ST3GAL5: variants seen among roughly 807,000 people sequenced by gnomAD.
The protein encoded by ST3GAL5 is ST3 beta-galactoside alpha-2,3-sialyltransferase 5, also known as lactosylceramide alpha-2,3-sialyltransferase.
ST3GAL5 carries 25 observed loss-of-function variants against 46.1 expected under a neutral mutation model. The observed-to-expected ratio is 0.54, with a 90% CI of 0.40 to 0.76. The LOEUF is 0.76. Among genes scored for constraint, ST3GAL5 ranks in the 30% least tolerant of loss-of-function variants. The pLI, the probability that ST3GAL5 is intolerant of heterozygous loss-of-function variation, is 0.00. For missense variants in ST3GAL5, 431 were observed against 521.2 expected (o/e 0.83, Z 1.69); for synonymous variants, 182 against 192.7 (o/e 0.94, Z 0.46).
intron 6 of ST3GAL5, among the ~76,000 whole-genome samples, chr2:85,843,296 G>C (rs1219384009): frequency 6.6e-6 from 1 of 152,040 alleles, no homozygotes; most frequent in Non-Finnish European, 1.5e-5. Flanking sequence ...GTGTAAAATT[G>C]GTGGGTCAGA....
At chr2:85,844,653 G>T in intron 5 of ST3GAL5, 99 bp from the exon 6 acceptor site, 1 of 1,531,318 alleles carries the variant, frequency 6.5e-7, no homozygotes, top group Non-Finnish European at 9.0e-7. Context: ...ACCCCATGTG[G>T]CCCTGTGCAC....
At chr2:85,840,457 G>A in intron 6 of ST3GAL5, 65 bp from the exon 7 acceptor site, 3 of 1,569,982 alleles carry the variant, frequency 1.9e-6, no homozygotes, top group Non-Finnish European at 2.6e-6. Context: ...CATTTTGCTG[G>A]TATTACACAT....
intron 1 of ST3GAL5, among the ~76,000 whole-genome samples, chr2:85,884,727 G>A (rs1202390371): frequency 6.6e-6 from 1 of 152,156 alleles, no homozygotes; most frequent in East Asian, 1.9e-4. Context: ...GGGCAGAAGA[G>A]GATAAAAACA....
intron 1 of ST3GAL5, among the ~76,000 whole-genome samples, chr2:85,864,596 G>GAA (rs67289258): frequency 0.046 from 6,621 of 144,884 alleles, 177 homozygotes; most frequent in Non-Finnish European, 0.063. Flanking sequence ...AAAAAAAAAA[G>GAA]AAAAAGAGAG....
At chr2:85,848,391 T>A (rs1683081102) in intron 3 of ST3GAL5, 187 bp from the exon 4 acceptor site, 1 of 1,543,666 alleles carries the variant, frequency 6.5e-7, no homozygotes, top group Admixed American at 2.0e-5. Flanking sequence ...CCTGGGAGAA[T>A]CACATGACAA....
At chr2:85,847,326 C>CTTGAATCTACCCACCTTCCA in intron 4 of ST3GAL5, 1 of 985,614 alleles carries the variant, frequency 1.0e-6, no homozygotes, top group Non-Finnish European at 1.2e-6. Flanking sequence ...TGCTGTTTTA[C>CTTGAATCTACCCACCTTCCA]TTGAATCTAC....
chr2:85,888,178 C>A (rs771056693), intron 1 of ST3GAL5: 2 of 152,282 alleles, frequency 1.3e-5, no homozygotes, highest in Non-Finnish European at 2.9e-5. Context: ...GGGTGTGAGG[C>A]AAGGGCAGGG....
intron 2 of ST3GAL5, 93 bp downstream of exon 2, chr2:85,863,269 T>G: frequency 6.2e-7 from 1 of 1,605,894 alleles, no homozygotes; most frequent in Non-Finnish European, 8.5e-7. Flanking sequence ...TCTCCAACAT[T>G]AGCCATCTTG....
intron 4 of ST3GAL5, chr2:85,847,340 C>T: frequency 1.0e-6 from 1 of 992,286 alleles, no homozygotes; most frequent in Non-Finnish European, 1.2e-6. Flanking sequence ...AATCTACCCA[C>T]CTTCCAAATC....
intron 1 of ST3GAL5, among the ~76,000 whole-genome samples, chr2:85,872,622 C>T (rs978509201): frequency 1.3e-4 from 20 of 151,476 alleles, no homozygotes; most frequent in African/African-American, 1.7e-4. Flanking sequence ...TACTTGGGAA[C>T]GTGCACGGGG....
chr2:85,858,024 T>C (rs1684331340), intron 3 of ST3GAL5: 1 of 152,206 alleles, frequency 6.6e-6, no homozygotes, highest in East Asian at 1.9e-4. Context: ...ATAATACCGA[T>C]GGAATGTGGC....
intron 3 of ST3GAL5, among the ~76,000 whole-genome samples, chr2:85,858,996 G>A (rs1335920780): frequency 1.3e-5 from 2 of 152,202 alleles, no homozygotes; most frequent in African/African-American, 4.8e-5. Context: ...GCAGAGACAA[G>A]CAGACCACGT....
At chr2:85,846,250 A>G in intron 5 of ST3GAL5, 127 bp downstream of exon 5, 1 of 863,798 alleles carries the variant, frequency 1.2e-6, no homozygotes, top group Non-Finnish European at 1.9e-6. Context: ...AGTGATCATC[A>G]TTTGAAAGAC....
intron 2 of ST3GAL5, 78 bp from the exon 3 acceptor site, chr2:85,861,370 C>T: frequency 2.1e-6 from 2 of 934,146 alleles, no homozygotes; most frequent in African/African-American, 3.2e-5. Context: ...AAAACGGAAT[C>T]CTAAATGAGT....
At chr2:85,841,039 T>TA (rs995086327) in intron 6 of ST3GAL5, among the ~76,000 whole-genome samples, 94 of 96,394 alleles carry the variant, frequency 9.8e-4, no homozygotes, top group African/African-American at 2.7e-3. Flanking sequence ...AAAAAAAAAA[T>TA]AAAAAAAAAA....
intron 1 of ST3GAL5, among the ~76,000 whole-genome samples, chr2:85,869,445 A>T (rs944215333): frequency 6.6e-6 from 1 of 151,872 alleles, no homozygotes; most frequent in Non-Finnish European, 1.5e-5. Context: ...TGAAAAACTG[A>T]AACTATTTTC....
chr2:85,888,864 C>T lies in ST3GAL5; in HGVS notation c.42G>A (p.Leu14=). The change falls in exon 1 of 7, where the codon CTG becomes CTA. Residue 14 remains leucine, a synonymous_variant. Transcript: ENST00000638572. ...KAAGCAERRP[L]QPRTEAAAAP... ...CCGCCGCTGCCTCGGTCCGCGGCTG[C>T]AGGGGACGCCGCTCCGCGCAGCCCG... 7.4e-7 allele frequency: 1 copy of T among 1,359,952 alleles called. No homozygotes were observed. Among genetic ancestry groups the T allele is most frequent in the Non-Finnish European group, 9.5e-7 (1 of 1,049,204 alleles). The allele number at this position is 1,359,952 out of a possible 1,614,324, so 84.2% of individuals were successfully genotyped here.
chr2:85,841,430 C>T (rs1208985219), intron 6 of ST3GAL5, among the ~76,000 whole-genome samples: 2 of 152,034 alleles, frequency 1.3e-5, no homozygotes, highest in East Asian at 3.9e-4. Flanking sequence ...CCTTCACAGG[C>T]TCAGGTGATC....
chr2:85,847,341 C>G lies in ST3GAL5; in HGVS notation c.662+520G>C, dbSNP rs545430403. 4.2e-5 allele frequency: 42 copies of G among 992,768 alleles called. No individual in the cohort carries two copies. In the African/African-American group the frequency reaches 7.0e-4, roughly 16 times the overall value. The allele number at this position is 992,768 out of a possible 1,614,324, so 61.5% of individuals were successfully genotyped here. ...TGCTGTTTTACTTGAATCTACCCAC[C>G]TTCCAAATCTCACTTCCTCTGACAA... On this transcript the variant is annotated intron_variant, in intron 4 of 6. Transcript: ENST00000638572.
Sources: allele counts gnomAD v4.1 joint callset (sites outside exome capture counted in the v4.1 genomes callset), GRCh38; gene constraint gnomAD v4.1.1; transcripts MANE v1.5; gene names NCBI Gene and HGNC (gene_info 2026-07-23, HGNC 2026-07-21).